CRX: variants seen among roughly 807,000 people sequenced by gnomAD.
CRX encodes cone-rod homeobox, also known as cone-rod homeobox protein.
Under a neutral mutation model 13.1 loss-of-function variants are expected in CRX, and 5 were observed. That is an observed-to-expected ratio of 0.38 (90% CI 0.20 to 0.80). The LOEUF (loss-of-function observed/expected upper bound fraction) is 0.80, where lower values mean the gene tolerates loss of function less well. CRX is among the 30% of genes least tolerant of loss of function. The probability of loss-of-function intolerance (pLI) is 0.43; values close to 1 mark genes in which losing one functional copy is unlikely to be tolerated. For missense variants in CRX, 351 were observed against 391.8 expected (o/e 0.90, Z 0.88); for synonymous variants, 179 against 171.1 (o/e 1.05, Z -0.36).
intron 1 of CRX, among the ~76,000 whole-genome samples, chr19:47,825,850 A>T (rs924171582): frequency 8.0e-4 from 122 of 152,178 alleles, no homozygotes; most frequent in African/African-American, 1.8e-3. Flanking sequence ...TGAATCCGGG[A>T]GGTGGAGGTT....
At chr19:47,831,451 G>A (rs752155028) in intron 1 of CRX, among the ~76,000 whole-genome samples, 12 of 152,158 alleles carry the variant, frequency 7.9e-5, no homozygotes, top group Non-Finnish European at 1.5e-4. Flanking sequence ...CCCGCCTCCT[G>A]TCAGATCAGC....
At position 47,840,324 on chromosome 19, in the gene CRX, C is replaced by T. The variant is rs140211833; in HGVS notation, c.*357C>T. ...AGTTGATTTGGGGTCATGTTTAGGT[C>T]AGAATCACCGTGCCCTTGAACAAGC... On this transcript the variant is annotated 3_prime_UTR_variant, in exon 4 of 4. Transcript: ENST00000221996. The T allele has an allele frequency of 1.1e-3, 323 of 291,266 alleles. 1 individual carries two copies. The highest frequency in any genetic ancestry group is 6.8e-3 in the African/African-American group (314 of 46,106). The allele number at this position is 291,266 out of a possible 1,614,324, so 18.0% of individuals were successfully genotyped here.
Position 47,836,287 on chromosome 19 carries a change from A to G in CRX, c.145A>G (p.Ser49Gly). The change falls in exon 3 of 4, where the codon AGC (serine) becomes GGC (glycine). Residue 49 changes from serine (S) to glycine (G), a missense_variant. Ser to Gly is a moderately conservative substitution (Grantham distance 56). Coordinates refer to ENST00000221996, the MANE Select transcript of CRX (RefSeq NM_000554.6). ...GCGGGAGCGCACCACCTTCACCCGG[A>G]GCCAACTGGAGGAGCTGGAGGCACT... ...QRRERTTFTR[S>G]QLEELEALFA... The G allele has an allele frequency of 6.2e-7, 1 of 1,614,094 alleles. No individual in the cohort carries two copies. The highest frequency in any genetic ancestry group is 8.5e-7 in the Non-Finnish European group (1 of 1,180,006).
intron 2 of CRX, among the ~76,000 whole-genome samples, chr19:47,835,227 A>T (rs13346011): frequency 0.01 from 1,495 of 147,520 alleles, 28 homozygotes; most frequent in African/African-American, 0.034. Flanking sequence ...AATTATTATT[A>T]TTTTTTTTTT....
In CRX at chr19:47,839,650, T is replaced by C; in HGVS notation, c.583T>C (p.Tyr195His). 4.3e-6 allele frequency: 7 copies of C among 1,613,332 alleles called. No homozygotes were observed. Among genetic ancestry groups the C allele is most frequent in the Non-Finnish European group, 5.9e-6 (7 of 1,179,956 alleles). ...SLTSAPYAMT[Y>H]APASAFCSSP... ...GACCTCCGCCCCCTATGCCATGACC[T>C]ACGCCCCGGCCTCCGCTTTCTGCTC... Residue 195 changes from tyrosine (Y) to histidine (H), a missense_variant, in exon 4 of 4, where the codon TAC becomes CAC. Tyr to His is a moderately conservative substitution (Grantham distance 83). Transcript: ENST00000221996. This position sits in a 1 kb window ranked among gnomAD's most constrained non-coding sequence, Gnocchi z 4.6.
rs1968009042 is a variant in CRX, at chr19:47,828,892, GAACACACACACA to G, written c.-35-5516_-35-5505del. On this transcript the variant is annotated intron_variant, in intron 1 of 3. Transcript: ENST00000221996. ...TTATTGTTGTTTTTGCTTTTGACAA[GAACACACACACA>G]CACACACACACACACACACACACAC... 3.8e-5 allele frequency among the ~76,000 whole-genome samples: 3 copies of G among 77,926 alleles called. No homozygotes were observed. In the Admixed American group the frequency reaches 5.4e-4, roughly 14 times the overall value. 51.1% of individuals were successfully genotyped at this position (77,926 alleles called of 152,430 possible). A position where few individuals can be genotyped will look rare whatever the true frequency, so the allele number is the denominator to read the frequency against.
Position 47,834,362 on chromosome 19 carries a change from G to A in CRX, c.-35-47G>A, listed in dbSNP as rs1350475574. 1.0e-5 allele frequency: 11 copies of A among 1,070,250 alleles called. No homozygotes were observed. The East Asian group carries it at 2.6e-4, about 25-fold the overall frequency. The allele number at this position is 1,070,250 out of a possible 1,614,324, so 66.3% of individuals were successfully genotyped here. A position where few individuals can be genotyped will look rare whatever the true frequency, so the allele number is the denominator to read the frequency against. ...AATCGCAGCCTGCACGTCACCCCAT[G>A]GTGAGTAACTGGTAAGTGAGTGAGC... On this transcript the variant is annotated intron_variant, in intron 1 of 3. Coordinates refer to ENST00000221996, the MANE Select transcript of CRX (RefSeq NM_000554.6).
chr19:47,831,567 A>C (rs1968046644), intron 1 of CRX, among the ~76,000 whole-genome samples: 1 of 151,886 alleles, frequency 6.6e-6, no homozygotes, highest in East Asian at 1.9e-4. Context: ...GCCCACTCCC[A>C]TCCATGGAAA....
chr19:47,837,325 C>T (rs1170408257), intron 3 of CRX, among the ~76,000 whole-genome samples: 2 of 152,156 alleles, frequency 1.3e-5, no homozygotes, highest in African/African-American at 4.8e-5. Context: ...TGCCACCACA[C>T]CGGGCTAATT....
At position 47,841,067 on chromosome 19, in the gene CRX, A is replaced by G. The variant is rs1968191111; in HGVS notation, c.*1100A>G. Reference sequence around the variant, plus strand: ...GTTAGGGACCTTTCTAGAAATTCCAAAGACAGACTTTAAGAAGCCCCGTCG... The same window carrying G: ...GTTAGGGACCTTTCTAGAAATTCCAGAGACAGACTTTAAGAAGCCCCGTCG... On this transcript the variant is annotated 3_prime_UTR_variant, in exon 4 of 4. Transcript: ENST00000221996. 1 of 152,154 alleles carries G rather than the reference A, an allele frequency of 6.6e-6. No homozygotes were observed. Among genetic ancestry groups the G allele is most frequent in the African/African-American group, 2.4e-5 (1 of 41,438 alleles). The allele number at this position is 152,154 out of a possible 1,614,324, so 9.4% of individuals were successfully genotyped here.
chr19:47,827,443 A>C (rs1967986955), intron 1 of CRX, among the ~76,000 whole-genome samples: 2 of 147,666 alleles, frequency 1.4e-5, no homozygotes, highest in African/African-American at 2.5e-5. Flanking sequence ...TTCCAGATCC[A>C]CACAAATTCC....
rs553929520 is a variant in CRX, at chr19:47,839,062, T to A, written c.253-258T>A. Among the ~76,000 whole-genome samples, 5 of 152,206 alleles carry A rather than the reference T, an allele frequency of 3.3e-5. No homozygotes were observed. The highest frequency in any genetic ancestry group is 1.2e-4 in the African/African-American group (5 of 41,512). On this transcript the variant is annotated intron_variant, in intron 3 of 3. Transcript: ENST00000221996. This position sits in a 1 kb window ranked among gnomAD's most constrained non-coding sequence, Gnocchi z 4.6. ...CGTATGGTGTATGCATGTATAATTG[T>A]ACGTGTGCATGTTTGCATTAGACGG...
intron 1 of CRX, among the ~76,000 whole-genome samples, chr19:47,833,808 A>G (rs1356487393): frequency 6.6e-6 from 1 of 151,752 alleles, no homozygotes; most frequent in Non-Finnish European, 1.5e-5. Flanking sequence ...GAGGGTGTGT[A>G]ACAGGATCAG....
chr19:47,839,226 T>C lies in CRX; in HGVS notation c.253-94T>C. ...AGTAGACAGATGTGAACCCAGCACC[T>C]CTCACCAATAAGTGTCCTCATCCCC... On this transcript the variant is annotated intron_variant, in intron 3 of 3. Coordinates refer to ENST00000221996, the MANE Select transcript of CRX (RefSeq NM_000554.6). This position sits in a 1 kb window ranked among gnomAD's most constrained non-coding sequence, Gnocchi z 4.6. 11 of 1,363,234 alleles carry C rather than the reference T, an allele frequency of 8.1e-6. No individual in the cohort carries two copies. Among genetic ancestry groups the C allele is most frequent in the Non-Finnish European group, 1.1e-5 (11 of 994,374 alleles). The allele number at this position is 1,363,234 out of a possible 1,614,324, so 84.4% of individuals were successfully genotyped here.
Position 47,828,593 on chromosome 19 carries a change from TGAA to T in CRX, c.-35-5812_-35-5810del, listed in dbSNP as rs1187183389. Among the ~76,000 whole-genome samples the T allele has an allele frequency of 2.3e-5, 3 of 132,480 alleles. No individual in the cohort carries two copies. The Admixed American group carries it at 2.3e-4, about 10-fold the overall frequency. The allele number at this position is 132,480 out of a possible 152,430, so 86.9% of individuals were successfully genotyped here. On this transcript the variant is annotated intron_variant, in intron 1 of 3. Coordinates refer to ENST00000221996, the MANE Select transcript of CRX (RefSeq NM_000554.6). ...ATGTCGTTTAATACAAGCTGTGTCT[TGAA>T]GAAAAGGAGGTAGGGAGCGTGTGTG...
chr19:47,842,847 T>C lies in CRX; in HGVS notation c.*2880T>C, dbSNP rs142202442. On this transcript the variant is annotated 3_prime_UTR_variant, in exon 4 of 4. Coordinates refer to ENST00000221996, the MANE Select transcript of CRX (RefSeq NM_000554.6). ...TCAGGCGTGGAAGAGAATCTTCTCC[T>C]TATTCACCGGGGAGGCTGTGTCTTG... 6.7e-3 allele frequency: 1,022 copies of C among 152,418 alleles called. 11 individuals are homozygous for C. Among genetic ancestry groups the C allele is most frequent in the Middle Eastern group, 0.034 (10 of 294 alleles). 9.4% of individuals were successfully genotyped at this position (152,418 alleles called of 1,614,324 possible).
Position 47,842,081 on chromosome 19 carries a change from G to T in CRX, c.*2114G>T. The T allele has an allele frequency of 6.6e-6, 1 of 152,658 alleles. No homozygotes were observed. Among genetic ancestry groups the T allele is most frequent in the Non-Finnish European group, 1.5e-5 (1 of 68,238 alleles). 9.5% of individuals were successfully genotyped at this position (152,658 alleles called of 1,614,324 possible). A position where few individuals can be genotyped will look rare whatever the true frequency, so the allele number is the denominator to read the frequency against. The stretch of plus-strand genomic sequence containing the variant: ...TACGAGTTGGTACACACCGTCAGCA[G>T]CAGCCAGGGTCAGGAGAAAGGCGAG... On this transcript the variant is annotated 3_prime_UTR_variant, in exon 4 of 4. Transcript: ENST00000221996.
chr19:47,832,502 T>G (rs1330517648), intron 1 of CRX, among the ~76,000 whole-genome samples: 1 of 142,782 alleles, frequency 7.0e-6, no homozygotes, highest in Non-Finnish European at 1.5e-5. Flanking sequence ...TTTTCTTTTC[T>G]TTTTTTTGAG....
chr19:47,827,836 T>TAA (rs1156465404), intron 1 of CRX, among the ~76,000 whole-genome samples: 46 of 41,758 alleles, frequency 1.1e-3, no homozygotes, highest in African/African-American at 3.9e-3. Flanking sequence ...GCATCTTTAT[T>TAA]AAAAAAAAAA....
Sources: gnomAD v4.1 joint callset for allele counts (sites outside exome capture counted in the v4.1 genomes callset) on GRCh38, gnomAD v4.1.1 for gene constraint, Gnocchi (gnomAD v3.1) non-coding constraint, MANE v1.5 for transcripts, NCBI Gene and HGNC (gene_info 2026-07-23, HGNC 2026-07-21) for gene names.